The following EHBP1L1 variants were observed in gnomAD, a reference collection of about 807,000 sequenced individuals.
EHBP1L1 encodes the protein EH domain binding protein 1 like 1, also known as EH domain-binding protein 1-like protein 1.
EHBP1L1 carries 122 observed loss-of-function variants against 151.1 expected under a neutral mutation model. The observed-to-expected ratio is 0.81, with a 90% CI of 0.70 to 0.94. EHBP1L1 has a LOEUF of 0.94. EHBP1L1 is among the 40% of genes least tolerant of loss of function. EHBP1L1 has a pLI of 0.00. For missense variants in EHBP1L1, 1,941 were observed against 1,959.8 expected (o/e 0.99, Z 0.18); for synonymous variants, 878 against 810.1 (o/e 1.08, Z -1.42).
At chr11:65,579,020 C>A in intron 1 of EHBP1L1, 58 bp from the exon 2 acceptor site, 1 of 1,493,460 alleles carries the variant, frequency 6.7e-7, no homozygotes, top group Non-Finnish European at 9.1e-7. Context: ...GATGGGGAGG[C>A]AGGTGAGCCT....
chr11:65,591,574 G>C, intron 16 of EHBP1L1: 2 of 606,230 alleles, frequency 3.3e-6, no homozygotes, highest in Non-Finnish European at 3.0e-6. Flanking sequence ...CCTTCTGGGG[G>C]GTGTGTGGGA....
chr11:65,584,916 C>G (rs1378416981), intron 11 of EHBP1L1, 43 bp from the exon 12 acceptor site: 3 of 1,526,872 alleles, frequency 2.0e-6, no homozygotes, highest in Non-Finnish European at 2.6e-6. Context: ...CCGGGTGGCG[C>G]GGGCCACCGC....
rs1370641634 is a variant in EHBP1L1, at chr11:65,576,296, G to A, written c.-7G>A. 1.3e-5 allele frequency: 21 copies of A among 1,580,762 alleles called. No homozygotes were observed. Among genetic ancestry groups the A allele is most frequent in the Non-Finnish European group, 1.8e-5 (21 of 1,165,722 alleles). ...CCTGAGAAGTGGGCGGCGGGGTGGC[G>A]GGGGCCATGACCTCGGTGTGGAAGC... is the stretch of plus-strand genomic sequence containing the variant. On this transcript the variant is annotated 5_prime_UTR_variant, in exon 1 of 19. Transcript: ENST00000309295.
intron 15 of EHBP1L1, 133 bp downstream of exon 15, chr11:65,590,343 C>A: frequency 6.6e-7 from 1 of 1,511,576 alleles, no homozygotes; most frequent in Non-Finnish European, 8.9e-7. Context: ...TACAGCCAGG[C>A]ATGCTGAGGC....
chr11:65,583,755 C>G lies in EHBP1L1; in HGVS notation c.3083C>G (p.Pro1028Arg). 1 of 1,490,176 alleles carries G rather than the reference C, an allele frequency of 6.7e-7. No homozygotes were observed. The allele number at this position is 1,490,176 out of a possible 1,614,324, so 92.3% of individuals were successfully genotyped here. A position where few individuals can be genotyped will look rare whatever the true frequency, so the allele number is the denominator to read the frequency against. The change falls in exon 9 of 19, where the codon CCG (proline) becomes CGG (arginine). Residue 1028 changes from proline to arginine, a missense_variant. Transcript: ENST00000309295. The stretch of plus-strand genomic sequence containing the variant: ...AAGGCTGAAGAGGACAGGAGGCTGC[C>G]GGGCAGCCAGGTAGGGATGGGGGCC... The part of the protein sequence containing the change: ...PEKAEEDRRL[P>R]GSQAPPALVS...
chr11:65,584,741 C>G, intron 11 of EHBP1L1: 1 of 982,302 alleles, frequency 1.0e-6, no homozygotes, highest in Non-Finnish European at 1.5e-6. Flanking sequence ...GATGGTTTTT[C>G]CAAAACCACC....
Position 65,583,383 on chromosome 11 carries a change from C to A in EHBP1L1, c.2711C>A (p.Ala904Asp). The part of the protein sequence containing the change: ...GSALKYEALR[A>D]PVTQPRVLGS... Reference sequence around the variant, plus strand: ...GCTCTCAAATATGAGGCTTTAAGGGCCCCAGTCACTCAGCCAAGAGTTTTA... The same window carrying A: ...GCTCTCAAATATGAGGCTTTAAGGGACCCAGTCACTCAGCCAAGAGTTTTA... Residue 904 changes from alanine (A) to aspartate (D), a missense_variant, in exon 9 of 19, where the codon GCC (alanine) becomes GAC (aspartate). By Grantham distance (126) the Ala-to-Asp change is moderately radical. Coordinates refer to ENST00000309295, the MANE Select transcript of EHBP1L1 (RefSeq NM_001099409.3). The A allele has an allele frequency of 6.2e-7, 1 of 1,613,304 alleles. No homozygotes were observed. The highest frequency in any genetic ancestry group is 1.7e-5 in the Admixed American group (1 of 59,942).
intron 11 of EHBP1L1, 152 bp downstream of exon 11, chr11:65,584,686 T>G: frequency 8.6e-7 from 1 of 1,158,368 alleles, no homozygotes; most frequent in Non-Finnish European, 1.2e-6. Flanking sequence ...ATTGTTTGTT[T>G]TCCTTATTTT....
In EHBP1L1 at chr11:65,583,063, G is replaced by A; in HGVS notation, c.2391G>A (p.Gln797=). ...TAGAAGCTGATACAACAGGGATCCA[G>A]GTGAAAGAGGTTGGGGGTTCAGAGG... ...PGLEADTTGI[Q]VKEVGGSEVP... Residue 797 remains glutamine (Q), a synonymous_variant, in exon 9 of 19, where the codon CAG becomes CAA. Transcript: ENST00000309295. 6.2e-7 allele frequency: 1 copy of A among 1,613,362 alleles called. No individual in the cohort carries two copies. The highest frequency in any genetic ancestry group is 1.1e-5 in the South Asian group (1 of 91,072).
At chr11:65,580,314 C>T in intron 5 of EHBP1L1, 23 bp from the exon 6 acceptor site, 2 of 1,613,498 alleles carry the variant, frequency 1.2e-6, no homozygotes, top group Non-Finnish European at 1.7e-6. Context: ...ACTCCACCCT[C>T]ACCTTTAACC....
Position 65,580,102 on chromosome 11 carries a change from G to C in EHBP1L1, c.334G>C (p.Val112Leu). ...IENESKGQRK[V>L]LATAEVDLAR... ...ACAGGAGTCTAAGGGGCAGCGGAAGGTGCTGGCCACGGCCGAGGTGGACCT... is the reference window on the plus strand; with the variant it reads ...ACAGGAGTCTAAGGGGCAGCGGAAGCTGCTGGCCACGGCCGAGGTGGACCT... The change falls in exon 5 of 19, where the codon GTG (valine) becomes CTG (leucine). Residue 112 changes from valine to leucine, a missense_variant. By Grantham distance (32) the Val-to-Leu change is conservative. Transcript: ENST00000309295. 6.2e-7 allele frequency: 1 copy of C among 1,613,340 alleles called. No individual in the cohort carries two copies. Among genetic ancestry groups the C allele is most frequent in the Non-Finnish European group, 8.5e-7 (1 of 1,179,620 alleles).
At position 65,579,923 on chromosome 11, in the gene EHBP1L1, C is replaced by T. The variant is rs377694381; in HGVS notation, c.259-13C>T. The stretch of plus-strand genomic sequence containing the variant: ...CCCAACAGTCCTGTACTCACCAGCA[C>T]CCTTCTTCCCAGGACCCCCACGTGG... On this transcript the variant is annotated splice_polypyrimidine_tract_variant and intron_variant, in intron 3 of 18. Coordinates refer to ENST00000309295, the MANE Select transcript of EHBP1L1 (RefSeq NM_001099409.3). 5.6e-6 allele frequency: 9 copies of T among 1,613,602 alleles called. No individual in the cohort carries two copies. In the African/African-American group the frequency reaches 8.0e-5, roughly 14 times the overall value.
rs1857929592 is a variant in EHBP1L1 at position 65,585,606 on chromosome 11, C to G, written c.3933+15C>G. On this transcript the variant is annotated intron_variant, in intron 12 of 18. Transcript: ENST00000309295. This position sits in a 1 kb window ranked among gnomAD's most constrained non-coding sequence, Gnocchi z 4.0. ...CTGCGGCTGCAGTGAGTGTCAAGGT[C>G]CTTCTTTCTTCCCCCGCCGCAGCGC... 6.4e-7 allele frequency: 1 copy of G among 1,561,046 alleles called. No homozygotes were observed. The highest frequency in any genetic ancestry group is 8.6e-7 in the Non-Finnish European group (1 of 1,160,794).
intron 17 of EHBP1L1, 27 bp from the exon 18 acceptor site, chr11:65,591,949 C>T: frequency 6.2e-7 from 1 of 1,608,532 alleles, no homozygotes. Context: ...CCCGCGCCTC[C>T]TGACGCTTAG....
chr11:65,585,663 G>A lies in EHBP1L1; in HGVS notation c.3933+72G>A, dbSNP rs1766082778. The A allele has an allele frequency of 4.6e-6, 7 of 1,516,014 alleles. No homozygotes were observed. The Admixed American group carries it at 1.0e-4, about 22-fold the overall frequency. 93.9% of individuals were successfully genotyped at this position (1,516,014 alleles called of 1,614,324 possible). The stretch of plus-strand genomic sequence containing the variant: ...CCGGGAAGATGGGCAGAGAACGGGC[G>A]AGCCCCCAAGGGGCCCCAAGGACAG... On this transcript the variant is annotated intron_variant, in intron 12 of 18. Coordinates refer to ENST00000309295, the MANE Select transcript of EHBP1L1 (RefSeq NM_001099409.3). The surrounding 1 kb of genome is among the most constrained non-coding windows in gnomAD (Gnocchi z 4.0).
chr11:65,591,413 G>A (rs1054394378), intron 16 of EHBP1L1: 4 of 342,226 alleles, frequency 1.2e-5, no homozygotes, highest in Admixed American at 9.3e-5. Context: ...GTTCCCATGT[G>A]GGGTCCGAAG....
rs746110418 is a variant in EHBP1L1, at chr11:65,585,435, C to T, written c.3777C>T (p.Asn1259=). The part of the protein sequence containing the change: ...GGVRLRRPSV[N]GEPGSVPPPR... ...TGAGGCTGCGACGGCCCTCGGTCAA[C>T]GGGGAGCCCGGGTCGGTGCCCCCGC... The change falls in exon 12 of 19, where the codon AAC becomes AAT. Residue 1259 remains asparagine, a synonymous_variant. Transcript: ENST00000309295. This position sits in a 1 kb window ranked among gnomAD's most constrained non-coding sequence, Gnocchi z 4.0. 98 of 1,485,536 alleles carry T rather than the reference C, an allele frequency of 6.6e-5. No homozygotes were observed. The highest frequency in any genetic ancestry group is 8.3e-5 in the Non-Finnish European group (93 of 1,124,178). The allele number at this position is 1,485,536 out of a possible 1,614,324, so 92.0% of individuals were successfully genotyped here. A position where few individuals can be genotyped will look rare whatever the true frequency, so the allele number is the denominator to read the frequency against.
Position 65,585,649 on chromosome 11 carries a change from G to T in EHBP1L1, c.3933+58G>T, listed in dbSNP as rs1258613678. 1 of 1,523,394 alleles carries T rather than the reference G, an allele frequency of 6.6e-7. No homozygotes were observed. Among genetic ancestry groups the T allele is most frequent in the Non-Finnish European group, 8.8e-7 (1 of 1,139,286 alleles). 94.4% of individuals were successfully genotyped at this position (1,523,394 alleles called of 1,614,324 possible). ...CGCAGCGCGGGGTCCCGGGAAGATG[G>T]GCAGAGAACGGGCGAGCCCCCAAGG... On this transcript the variant is annotated intron_variant, in intron 12 of 18. Coordinates refer to ENST00000309295, the MANE Select transcript of EHBP1L1 (RefSeq NM_001099409.3). This position sits in a 1 kb window ranked among gnomAD's most constrained non-coding sequence, Gnocchi z 4.0.
At position 65,591,994 on chromosome 11, in the gene EHBP1L1, C is replaced by T; in HGVS notation, c.4376C>T (p.Ala1459Val). The T allele has an allele frequency of 6.2e-7, 1 of 1,612,932 alleles. No homozygotes were observed. The highest frequency in any genetic ancestry group is 8.5e-7 in the Non-Finnish European group (1 of 1,179,336). Reference protein sequence around the residue: ...LAIEDWQKTSAQQHREQLLLE... With the variant: ...LAIEDWQKTSVQQHREQLLLE... The stretch of plus-strand genomic sequence containing the variant: ...CCCTCAGACTGGCAGAAAACGTCCG[C>T]TCAGCAGCACCGAGAGCAGCTCCTA... Residue 1459 changes from alanine (A) to valine (V), a missense_variant, in exon 18 of 19, where the codon GCT becomes GTT. Transcript: ENST00000309295.
Sources: allele counts gnomAD v4.1 joint callset, GRCh38; gene constraint gnomAD v4.1.1; non-coding constraint Gnocchi (gnomAD v3.1); transcripts MANE v1.5; gene names NCBI Gene and HGNC (gene_info 2026-07-23, HGNC 2026-07-21).